The following ACCSL variants were observed in gnomAD, a reference collection of about 807,000 sequenced individuals.
ACCSL encodes probable inactive 1-aminocyclopropane-1-carboxylate synthase-like protein 2.
A neutral mutation model predicts 61.7 loss-of-function variants in ACCSL; 55 were observed. The observed-to-expected ratio is 0.89, with a 90% CI of 0.72 to 1.12. The LOEUF is 1.12. Among genes scored for constraint, ACCSL ranks in the 50% most tolerant of loss-of-function variants. The pLI is 0.00. For synonymous variants in ACCSL, 258 were observed against 264.3 expected, an observed-to-expected ratio of 0.98 and a Z score of 0.23; for missense variants, 632 against 698.0, an observed-to-expected ratio of 0.91 and a Z score of 1.07.
the ACCSL span, among the ~76,000 whole-genome samples, chr11:43,991,877 C>G: frequency 3.3e-5 from 5 of 152,102 alleles, no homozygotes; most frequent in Non-Finnish European, 5.9e-5. Context: ...TCAGGCCACC[C>G]CAAGTGTCTC....
At chr11:43,949,407 A>G in the ACCSL span, among the ~76,000 whole-genome samples, 2 of 152,188 alleles carry the variant, frequency 1.3e-5, no homozygotes, top group African/African-American at 4.8e-5. Context: ...ATGAAAGGAA[A>G]AGAAATCTTG....
chr11:44,010,788 T>C, the ACCSL span, among the ~76,000 whole-genome samples: 1 of 152,032 alleles, frequency 6.6e-6, no homozygotes, highest in African/African-American at 2.4e-5. Context: ...CAAAGAAAAT[T>C]GAGAAATGGA....
At chr11:43,984,251 A>G in the ACCSL span, among the ~76,000 whole-genome samples, 1 of 152,168 alleles carries the variant, frequency 6.6e-6, no homozygotes, top group Non-Finnish European at 1.5e-5. Context: ...CCAAATAATG[A>G]TGCAATGATT....
chr11:43,972,172 T>A, the ACCSL span, among the ~76,000 whole-genome samples: 6 of 152,166 alleles, frequency 3.9e-5, no homozygotes, highest in Non-Finnish European at 8.8e-5. Context: ...AAGAGTCCTG[T>A]AAGACAGTGT....
the ACCSL span, among the ~76,000 whole-genome samples, chr11:43,996,894 C>A: frequency 6.6e-6 from 1 of 151,224 alleles, no homozygotes; most frequent in Non-Finnish European, 1.5e-5. Context: ...CTCACTGCAA[C>A]CTCCACCTCC....
Position 44,058,448 on chromosome 11 carries a change from A to T in ACCSL, c.1459A>T (p.Asn487Tyr). ...NRSSGLYVWINLKKYLDPCTF... is the reference protein window; with the variant it reads ...NRSSGLYVWIYLKKYLDPCTF... The stretch of plus-strand genomic sequence containing the variant: ...CAGCTCTGGCCTCTATGTCTGGATC[A>T]ACTTGAAAAAGGTGTGTTCTGGGAA... The change falls in exon 12 of 14, where the codon AAC (asparagine) becomes TAC (tyrosine). Residue 487 changes from asparagine to tyrosine, a missense_variant. Physicochemically the swap from Asn to Tyr is moderately radical, Grantham distance 143. Transcript: ENST00000378832. The T allele has an allele frequency of 6.2e-7, 1 of 1,614,164 alleles. No homozygotes were observed. Among genetic ancestry groups the T allele is most frequent in the African/African-American group, 1.3e-5 (1 of 75,034 alleles).
At chr11:44,033,660 C>A in the ACCSL span, among the ~76,000 whole-genome samples, 1 of 152,096 alleles carries the variant, frequency 6.6e-6, no homozygotes, top group East Asian at 1.9e-4. Context: ...AAACAAAACC[C>A]TTTTCTTTGT....
At chr11:44,034,835 C>T in the ACCSL span, among the ~76,000 whole-genome samples, 1 of 152,208 alleles carries the variant, frequency 6.6e-6, no homozygotes, top group Non-Finnish European at 1.5e-5. Context: ...CACAGAGTCC[C>T]AGGCACCCTG....
At chr11:44,049,072 C>T (rs1379085122) in intron 1 of ACCSL, among the ~76,000 whole-genome samples, 1 of 152,052 alleles carries the variant, frequency 6.6e-6, no homozygotes, top group African/African-American at 2.4e-5. Flanking sequence ...AGAGTAGGGA[C>T]CACTGGTGCT....
chr11:44,032,225 T>C, the ACCSL span, among the ~76,000 whole-genome samples: 1 of 152,334 alleles, frequency 6.6e-6, no homozygotes, highest in African/African-American at 2.4e-5. Flanking sequence ...GGCTGGGATA[T>C]GCAAGATGCC....
chr11:43,943,457 T>G, the ACCSL span: 2 of 1,421,090 alleles, frequency 1.4e-6, no homozygotes, highest in South Asian at 1.2e-5. This position sits in a 1 kb window ranked among gnomAD's most constrained non-coding sequence, Gnocchi z 4.8. Context: ...GCGCTCGCCC[T>G]GGCCCGGGAG....
At chr11:43,938,188 A>C in the ACCSL span, among the ~76,000 whole-genome samples, 10 of 152,142 alleles carry the variant, frequency 6.6e-5, no homozygotes, top group Admixed American at 2.6e-4. Context: ...CTGCCCTGGC[A>C]GCGGAGGAGG....
At chr11:43,995,671 A>T in the ACCSL span, among the ~76,000 whole-genome samples, 1 of 152,234 alleles carries the variant, frequency 6.6e-6, no homozygotes, top group African/African-American at 2.4e-5. Flanking sequence ...TCTGTACCCA[A>T]GTGGACAGTG....
chr11:43,964,727 T>C, the ACCSL span, among the ~76,000 whole-genome samples: 1 of 151,940 alleles, frequency 6.6e-6, no homozygotes, highest in Non-Finnish European at 1.5e-5. Context: ...CAAAAGCATA[T>C]TAAAAAGGAT....
chr11:43,969,458 T>G, the ACCSL span, among the ~76,000 whole-genome samples: 1 of 152,212 alleles, frequency 6.6e-6, no homozygotes, highest in African/African-American at 2.4e-5. Context: ...AAAAATTTTT[T>G]ACGAAGATTA....
At chr11:43,946,999 A>T in the ACCSL span, 1 of 152,218 alleles carries the variant, frequency 6.6e-6, no homozygotes, top group Non-Finnish European at 1.5e-5. Flanking sequence ...TGTTGCTATA[A>T]GGGAATATCT....
intron 9 of ACCSL, among the ~76,000 whole-genome samples, chr11:44,055,828 T>C (rs1011507406): frequency 6.6e-6 from 1 of 152,240 alleles, no homozygotes; most frequent in African/African-American, 2.4e-5. Flanking sequence ...CTAGACTTCA[T>C]TCAGTGGGCA....
chr11:43,984,791 A>C, the ACCSL span, among the ~76,000 whole-genome samples: 20,746 of 152,286 alleles, frequency 0.14, 1,531 homozygotes, highest in Non-Finnish European at 0.17. Context: ...TTCCTGTCAC[A>C]GCCTTGCCCA....
chr11:44,018,278 G>T, the ACCSL span, among the ~76,000 whole-genome samples: 1 of 152,214 alleles, frequency 6.6e-6, no homozygotes, highest in Admixed American at 6.5e-5. Flanking sequence ...GACTCAGCCA[G>T]ACTGAGATGT....
Sources: gnomAD v4.1 joint callset for allele counts (sites outside exome capture counted in the v4.1 genomes callset) on GRCh38, gnomAD v4.1.1 for gene constraint, Gnocchi (gnomAD v3.1) non-coding constraint, MANE v1.5 for transcripts, NCBI Gene and HGNC (gene_info 2026-07-23, HGNC 2026-07-21) for gene names.